Variants in SHLD1 observed in about 807,000 individuals in gnomAD.
The protein encoded by SHLD1 is RINN1-REV7-interacting novel NHEJ regulator 3.
SHLD1 carries 3 observed loss-of-function variants against 5.5 expected under a neutral mutation model. The observed-to-expected ratio is 0.54, with a 90% CI of 0.25 to 1.40. The LOEUF (loss-of-function observed/expected upper bound fraction) is 1.40, where lower values mean the gene tolerates loss of function less well. Among genes scored for constraint, SHLD1 ranks in the 40% most tolerant of loss-of-function variants. The pLI, the probability that SHLD1 is intolerant of heterozygous loss-of-function variation, is 0.15. For synonymous variants in SHLD1, 92 were observed against 94.3 expected, an observed-to-expected ratio of 0.98 and a Z score of 0.14; for missense variants, 210 against 244.4, an observed-to-expected ratio of 0.86 and a Z score of 0.94.
intron 1 of SHLD1, among the ~76,000 whole-genome samples, chr20:5,752,682 T>C (rs577584335): frequency 6.7e-6 from 1 of 149,194 alleles, no homozygotes; most frequent in East Asian, 2.0e-4. Flanking sequence ...AGTAGTGCGA[T>C]CTCGGCTCAC....
intron 2 of SHLD1, among the ~76,000 whole-genome samples, chr20:5,778,265 C>T (rs1985528793): frequency 6.6e-6 from 1 of 150,774 alleles, no homozygotes; most frequent in East Asian, 1.9e-4. Context: ...TACAGGTGCC[C>T]ACCACCATGC....
intron 2 of SHLD1, among the ~76,000 whole-genome samples, chr20:5,775,263 G>A (rs1336968907): frequency 1.3e-5 from 2 of 151,320 alleles, no homozygotes; most frequent in Non-Finnish European, 1.5e-5. Flanking sequence ...GGCAAGTCTC[G>A]AACTCTTGGC....
intron 2 of SHLD1, among the ~76,000 whole-genome samples, chr20:5,862,081 TTC>T (rs2088170121): frequency 6.6e-6 from 1 of 152,208 alleles, no homozygotes; most frequent in African/African-American, 2.4e-5. Flanking sequence ...CAGATTAGGA[TTC>T]TACCTATAGA....
chr20:5,775,737 C>A (rs907873334), intron 2 of SHLD1, among the ~76,000 whole-genome samples: 2 of 151,970 alleles, frequency 1.3e-5, no homozygotes, highest in African/African-American at 4.8e-5. Flanking sequence ...CCACTTAGCC[C>A]CTCTGTACCT....
At chr20:5,845,791 T>A (rs56266823) in intron 2 of SHLD1, among the ~76,000 whole-genome samples, 3,071 of 152,232 alleles carry the variant, frequency 0.02, 77 homozygotes, top group East Asian at 0.099. Context: ...TTGTCACCAA[T>A]GAGGACATTC....
chr20:5,835,619 G>A (rs1239310542), intron 2 of SHLD1, among the ~76,000 whole-genome samples: 1 of 152,122 alleles, frequency 6.6e-6, no homozygotes, highest in Non-Finnish European at 1.5e-5. Context: ...GGCAGCATGT[G>A]AGTGCCAGGG....
rs1361285741 is a variant in SHLD1 at position 5,844,791 on chromosome 20, A to AT, written c.179-18232dup. 3.1e-4 allele frequency among the ~76,000 whole-genome samples: 31 copies of AT among 98,604 alleles called. 1 individual carries two copies. The highest frequency in any genetic ancestry group is 1.8e-3 in the African/African-American group (28 of 15,710). 64.7% of individuals were successfully genotyped at this position (98,604 alleles called of 152,430 possible). On this transcript the variant is annotated intron_variant, in intron 2 of 2. Transcript: ENST00000303142. ...TAGACATATATATATATATATATAT[A>AT]TATATATATTTTTTTTTTTTTGAGA...
intron 2 of SHLD1, among the ~76,000 whole-genome samples, chr20:5,860,951 G>A (rs1233511396): frequency 3.5e-5 from 5 of 144,426 alleles, no homozygotes; most frequent in African/African-American, 1.3e-4. Flanking sequence ...CTGGAAACTA[G>A]TGTAGTGGAA....
Position 5,763,562 on chromosome 20 carries a change from T to C in SHLD1, c.-4-9300T>C, listed in dbSNP as rs73594804. On this transcript the variant is annotated intron_variant, in intron 1 of 2. Transcript: ENST00000303142. ...CATGAGACCAATGTGTAATTGACGA[T>C]TCTCCTGCCTGTTCCTTTTCTCTTG... Among the ~76,000 whole-genome samples the C allele has an allele frequency of 8.4e-3, 1,281 of 152,260 alleles. 13 individuals carry two copies. The highest frequency in any genetic ancestry group is 0.029 in the African/African-American group (1,224 of 41,548).
At chr20:5,847,924 AGGCG>A (rs1392125816) in intron 2 of SHLD1, among the ~76,000 whole-genome samples, 1 of 152,226 alleles carries the variant, frequency 6.6e-6, no homozygotes, top group Non-Finnish European at 1.5e-5. Flanking sequence ...CATGTGCACA[AGGCG>A]GTATTTATCA....
chr20:5,859,981 A>G (rs2088138773), intron 2 of SHLD1, among the ~76,000 whole-genome samples: 1 of 152,232 alleles, frequency 6.6e-6, no homozygotes, highest in East Asian at 1.9e-4. Flanking sequence ...AGTACGTGCC[A>G]TGTTGCTTGG....
At chr20:5,816,218 T>A (rs1374354395) in intron 2 of SHLD1, among the ~76,000 whole-genome samples, 1 of 152,232 alleles carries the variant, frequency 6.6e-6, no homozygotes, top group Non-Finnish European at 1.5e-5. Flanking sequence ...CTATATTTTT[T>A]AAAAATTATT....
intron 2 of SHLD1, among the ~76,000 whole-genome samples, chr20:5,791,292 C>T (rs886777284): frequency 2.0e-5 from 3 of 151,900 alleles, no homozygotes; most frequent in African/African-American, 2.4e-5. Flanking sequence ...CAGTTGGGCA[C>T]AGTGGCTTCC....
chr20:5,798,029 T>G (rs1426299899), intron 2 of SHLD1, among the ~76,000 whole-genome samples: 1 of 152,348 alleles, frequency 6.6e-6, no homozygotes, highest in East Asian at 1.9e-4. Flanking sequence ...GTTGATGTGC[T>G]TCAGCTGAGT....
chr20:5,863,546 G>T lies in SHLD1; in HGVS notation c.*83G>T. The T allele has an allele frequency of 1.5e-6, 2 of 1,373,652 alleles. No homozygotes were observed. The highest frequency in any genetic ancestry group is 2.0e-6 in the Non-Finnish European group (2 of 1,005,542). The allele number at this position is 1,373,652 out of a possible 1,614,324, so 85.1% of individuals were successfully genotyped here. A position where few individuals can be genotyped will look rare whatever the true frequency, so the allele number is the denominator to read the frequency against. ...TTGGTGGCCACCCAGATCCCCTAGG[G>T]TCTCTGGCCAGCTCTGTGTGCCCAA... On this transcript the variant is annotated 3_prime_UTR_variant, in exon 3 of 3. Coordinates refer to ENST00000303142, the MANE Select transcript of SHLD1 (RefSeq NM_152504.4).
chr20:5,833,346 T>G (rs2087752084), intron 2 of SHLD1, among the ~76,000 whole-genome samples: 1 of 152,214 alleles, frequency 6.6e-6, no homozygotes, highest in Non-Finnish European at 1.5e-5. Context: ...ACAGATTATT[T>G]CGGACTTCCG....
chr20:5,807,385 C>CT (rs2087393081), intron 2 of SHLD1, among the ~76,000 whole-genome samples: 1 of 147,872 alleles, frequency 6.8e-6, no homozygotes, highest in South Asian at 2.2e-4. Context: ...TCCTCTTTCT[C>CT]TTTTTTCCTT....
chr20:5,756,984 C>T (rs1186752006), intron 1 of SHLD1: 1 of 153,694 alleles, frequency 6.5e-6, no homozygotes, highest in Non-Finnish European at 1.5e-5. Flanking sequence ...TTATCTTGTT[C>T]CTAATCTTTG....
intron 2 of SHLD1, among the ~76,000 whole-genome samples, chr20:5,795,822 A>G (rs930062562): frequency 2.6e-5 from 4 of 151,356 alleles, no homozygotes; most frequent in Non-Finnish European, 5.9e-5. Context: ...TCTACTAAAA[A>G]TACAAAAAAA....
Sources: allele counts gnomAD v4.1 joint callset (sites outside exome capture counted in the v4.1 genomes callset), GRCh38; gene constraint gnomAD v4.1.1; transcripts MANE v1.5; gene names NCBI Gene and HGNC (gene_info 2026-07-23, HGNC 2026-07-21).